Variants in RAB23 observed in about 807,000 individuals in gnomAD.
RAB23 encodes ras-related protein Rab-23.
Under a neutral mutation model 30.0 loss-of-function variants are expected in RAB23, and 15 were observed. That is an observed-to-expected ratio of 0.50 (90% confidence interval 0.33 to 0.77). RAB23 has a LOEUF of 0.77. Ranked by LOEUF, RAB23 falls within the 30% of genes least tolerant of loss-of-function variation. RAB23 has a pLI of 0.02. For missense variants in RAB23, 243 were observed against 275.4 expected (o/e 0.88, Z 0.83); for synonymous variants, 93 against 94.0 (o/e 0.99, Z 0.06).
chr6:57,195,145 T>C (rs951747374), intron 4 of RAB23, among the ~76,000 whole-genome samples: 1 of 152,152 alleles, frequency 6.6e-6, no homozygotes, highest in Non-Finnish European at 1.5e-5. Context: ...ATAGAAGACT[T>C]TTCTATAAAG....
chr6:57,200,117 CATT>C (rs1161761561), intron 3 of RAB23, among the ~76,000 whole-genome samples: 2 of 151,648 alleles, frequency 1.3e-5, no homozygotes, highest in Admixed American at 1.3e-4. Context: ...TGAGACAGAT[CATT>C]ATTTGCAGAA....
intron 3 of RAB23, among the ~76,000 whole-genome samples, chr6:57,201,227 CCCA>C (rs1765242697): frequency 1.3e-5 from 2 of 151,878 alleles, no homozygotes; most frequent in African/African-American, 4.8e-5. Context: ...ATTACAGGCG[CCCA>C]CCACCATGCC....
intron 4 of RAB23, among the ~76,000 whole-genome samples, chr6:57,195,794 C>T (rs1279392257): frequency 6.6e-6 from 1 of 152,172 alleles, no homozygotes; most frequent in Non-Finnish European, 1.5e-5. Context: ...AAACCACCAG[C>T]TAAGCCATTC....
At chr6:57,196,322 T>A in intron 4 of RAB23, 128 bp downstream of exon 4, 1 of 1,092,770 alleles carries the variant, frequency 9.2e-7, no homozygotes, top group South Asian at 1.4e-5. Context: ...ATTAAAATAT[T>A]TAAGTCATTA....
At chr6:57,201,626 T>C (rs539205331) in intron 3 of RAB23, among the ~76,000 whole-genome samples, 1 of 152,332 alleles carries the variant, frequency 6.6e-6, no homozygotes, top group African/African-American at 2.4e-5. Context: ...TTCATTTCCT[T>C]ATGAAGGTTT....
At chr6:57,214,580 A>C (rs1158134173) in intron 1 of RAB23, among the ~76,000 whole-genome samples, 3 of 152,202 alleles carry the variant, frequency 2.0e-5, no homozygotes, top group Non-Finnish European at 4.4e-5. Flanking sequence ...CTGAGATTAC[A>C]GGCACGAGCC....
intron 1 of RAB23, among the ~76,000 whole-genome samples, chr6:57,211,480 T>TA (rs1033678838): frequency 4.6e-5 from 7 of 150,808 alleles, no homozygotes; most frequent in African/African-American, 4.9e-5. Flanking sequence ...TAAAATAAAA[T>TA]AAAAAAAAAT....
At chr6:57,199,922 T>C (rs747752931) in intron 3 of RAB23, among the ~76,000 whole-genome samples, 1 of 152,222 alleles carries the variant, frequency 6.6e-6, no homozygotes, top group Non-Finnish European at 1.5e-5. Flanking sequence ...GATAAAATAC[T>C]TTGTCAAACT....
chr6:57,207,646 T>A lies in RAB23; in HGVS notation c.223A>T (p.Thr75Ser), dbSNP rs774195943. ...TAGQEEFDAI[T>S]KAYYRGAQAC... ...GTTTTACCTCGATAGTAGGCCTTTG[T>A]AATTGCATCAAATTCCTCCTGACCT... The change falls in exon 3 of 7, where the codon ACA becomes TCA. Residue 75 changes from threonine (T) to serine (S), a missense_variant. By Grantham distance (58) the Thr-to-Ser change is moderately conservative. Transcript: ENST00000468148. 3.3e-5 allele frequency: 53 copies of A among 1,600,090 alleles called. No individual in the cohort carries two copies. In the South Asian group the frequency reaches 5.6e-4, roughly 17 times the overall value.
intron 3 of RAB23, among the ~76,000 whole-genome samples, chr6:57,200,721 G>A (rs921824829): frequency 2.0e-5 from 3 of 151,882 alleles, no homozygotes; most frequent in Admixed American, 6.6e-5. Context: ...AGCAACTGGC[G>A]GACATTAGGG....
intron 2 of RAB23, 107 bp from the exon 3 acceptor site, chr6:57,207,820 T>C (rs1413097855): frequency 4.0e-6 from 3 of 758,116 alleles, no homozygotes; most frequent in African/African-American, 3.5e-5. Context: ...AAACTACAAA[T>C]GCTCCTTGAC....
At position 57,194,891 on chromosome 6, in the gene RAB23, C is replaced by G. The variant is rs769904918; in HGVS notation, c.399-39G>C. 1.1e-5 allele frequency: 16 copies of G among 1,465,624 alleles called. No individual in the cohort carries two copies. In the Admixed American group the frequency reaches 1.9e-4, roughly 17 times the overall value. The allele number at this position is 1,465,624 out of a possible 1,614,324, so 90.8% of individuals were successfully genotyped here. A position where few individuals can be genotyped will look rare whatever the true frequency, so the allele number is the denominator to read the frequency against. Reference sequence around the variant, plus strand: ...TAAAAAAAAATGCTTTACAAAGGTGCCTTCTGATAGCTTGTTTTTTAAATC... The same window carrying G: ...TAAAAAAAAATGCTTTACAAAGGTGGCTTCTGATAGCTTGTTTTTTAAATC... On this transcript the variant is annotated intron_variant, in intron 4 of 6. Transcript: ENST00000468148.
chr6:57,193,092 G>A (rs1764901827), intron 6 of RAB23, among the ~76,000 whole-genome samples: 2 of 152,100 alleles, frequency 1.3e-5, no homozygotes, highest in African/African-American at 4.8e-5. Flanking sequence ...GAAGACAAAA[G>A]GGGAGCCAAG....
intron 3 of RAB23, among the ~76,000 whole-genome samples, chr6:57,205,931 A>C (rs1053873993): frequency 6.6e-6 from 1 of 152,230 alleles, no homozygotes; most frequent in Non-Finnish European, 1.5e-5. Flanking sequence ...AGGGATTCCC[A>C]AAGTTAAGGC....
In RAB23 at chr6:57,198,439, G is replaced by A. The variant is rs560802250; in HGVS notation, c.242-1833C>T. ...TGAGGCAGGAGAATGGCATGAACCC[G>A]GGAGGTGGAGCTTGCAGTGAGCCGA... On this transcript the variant is annotated intron_variant, in intron 3 of 6. Transcript: ENST00000468148. Among the ~76,000 whole-genome samples the A allele has an allele frequency of 8.0e-4, 122 of 152,212 alleles. 2 individuals are homozygous for A. In the South Asian group the frequency reaches 0.024, roughly 29 times the overall value.
intron 1 of RAB23, among the ~76,000 whole-genome samples, chr6:57,212,282 C>T (rs997166307): frequency 2.6e-5 from 4 of 152,220 alleles, no homozygotes; most frequent in African/African-American, 9.6e-5. Flanking sequence ...CCTCTTTGGT[C>T]TGGGGCTCCC....
chr6:57,212,387 G>A (rs1043405736), intron 1 of RAB23, among the ~76,000 whole-genome samples: 1 of 152,152 alleles, frequency 6.6e-6, no homozygotes. Context: ...TAAAAAACTA[G>A]CATTGCAGCC....
At chr6:57,204,432 A>T (rs985708516) in intron 3 of RAB23, among the ~76,000 whole-genome samples, 4 of 152,304 alleles carry the variant, frequency 2.6e-5, no homozygotes, top group Middle Eastern at 3.4e-3. Context: ...AGAAGTCAGA[A>T]GAATTTCCAT....
At chr6:57,208,923 T>C (rs1765547216) in intron 2 of RAB23, among the ~76,000 whole-genome samples, 1 of 152,172 alleles carries the variant, frequency 6.6e-6, no homozygotes, top group African/African-American at 2.4e-5. Flanking sequence ...TGTTAATTCA[T>C]TAACACTGAA....
Sources: gnomAD v4.1 joint callset for allele counts (sites outside exome capture counted in the v4.1 genomes callset) on GRCh38, gnomAD v4.1.1 for gene constraint, MANE v1.5 for transcripts, NCBI Gene and HGNC (gene_info 2026-07-23, HGNC 2026-07-21) for gene names.